Variants in CDS1 observed in about 807,000 individuals in gnomAD.
The protein encoded by CDS1 is phosphatidate cytidylyltransferase 1.
CDS1 carries 41 observed loss-of-function variants against 62.1 expected under a neutral mutation model. That is an observed-to-expected ratio of 0.66 (90% CI 0.51 to 0.86). The LOEUF is 0.86. CDS1 is among the 40% of genes least tolerant of loss of function. The pLI, the probability that CDS1 is intolerant of heterozygous loss-of-function variation, is 0.00. For synonymous variants in CDS1, 185 were observed against 192.6 expected (o/e 0.96, Z 0.32); for missense variants, 470 against 550.1 (o/e 0.85, Z 1.46).
chr4:84,636,423 C>A (rs376773195), intron 8 of CDS1, among the ~76,000 whole-genome samples: 8 of 152,162 alleles, frequency 5.3e-5, no homozygotes, highest in Admixed American at 2.0e-4. Flanking sequence ...AACTAAATTA[C>A]ATAGTTCTCA....
chr4:84,645,388 A>G (rs1458386870), intron 12 of CDS1, 63 bp downstream of exon 12: 1 of 976,202 alleles, frequency 1.0e-6, no homozygotes, highest in Non-Finnish European at 1.6e-6. Flanking sequence ...CATCAACATT[A>G]GTTTGAGTAA....
At chr4:84,589,863 T>G (rs1023574627) in intron 1 of CDS1, among the ~76,000 whole-genome samples, 1 of 152,080 alleles carries the variant, frequency 6.6e-6, no homozygotes. Context: ...CAGGCTGGAG[T>G]GCAGTGGCGC....
intron 7 of CDS1, among the ~76,000 whole-genome samples, chr4:84,634,555 A>C (rs1215413523): frequency 1.3e-5 from 2 of 152,096 alleles, no homozygotes; most frequent in African/African-American, 4.8e-5. Context: ...CTCATTTAAA[A>C]CTCATTAATT....
Position 84,619,504 on chromosome 4 carries a change from G to T in CDS1, c.551G>T (p.Arg184Ile). 6.2e-7 allele frequency: 1 copy of T among 1,600,236 alleles called. No individual in the cohort carries two copies. Among genetic ancestry groups the T allele is most frequent in the Admixed American group, 1.7e-5 (1 of 58,982 alleles). ...CTTCAGTTCCTCATTCGCTACCATA[G>T]ATTTATATCATTTGCCCTCTATCTG... ...EQLQFLIRYH[R>I]FISFALYLAG... The change falls in exon 5 of 13, where the codon AGA (arginine) becomes ATA (isoleucine). Residue 184 changes from arginine to isoleucine, a missense_variant. Physicochemically the swap from Arg to Ile is moderately conservative, Grantham distance 97 (BLOSUM62 -3). This residue lies in a region of CDS1 where 214 missense variants were observed against 242.4 expected (regional missense o/e 0.88). Coordinates refer to ENST00000295887, the MANE Select transcript of CDS1 (RefSeq NM_001263.4).
At chr4:84,626,460 TTTG>T (rs1723865038) in intron 5 of CDS1, among the ~76,000 whole-genome samples, 1 of 152,210 alleles carries the variant, frequency 6.6e-6, no homozygotes, top group African/African-American at 2.4e-5. Flanking sequence ...GTACTTTTTG[TTTG>T]TTATTTTGAG....
intron 12 of CDS1, among the ~76,000 whole-genome samples, chr4:84,648,321 T>C (rs1367262140): frequency 6.6e-6 from 1 of 152,198 alleles, no homozygotes; most frequent in East Asian, 1.9e-4. Flanking sequence ...TCTGCACCCC[T>C]TCAATTGACT....
intron 1 of CDS1, among the ~76,000 whole-genome samples, chr4:84,602,043 T>G (rs1168469438): frequency 1.3e-5 from 2 of 152,184 alleles, no homozygotes; most frequent in Non-Finnish European, 2.9e-5. Context: ...ACTTCCTTCT[T>G]TTCCCTGATC....
intron 12 of CDS1, among the ~76,000 whole-genome samples, chr4:84,647,465 A>G (rs1724590478): frequency 6.6e-6 from 1 of 152,204 alleles, no homozygotes; most frequent in Non-Finnish European, 1.5e-5. Context: ...GAAGACACTG[A>G]GAGTGCCAGG....
intron 5 of CDS1, among the ~76,000 whole-genome samples, chr4:84,628,268 A>G (rs1014154943): frequency 5.3e-5 from 8 of 152,176 alleles, no homozygotes; most frequent in Admixed American, 3.9e-4. Context: ...AATTTTGACT[A>G]ATCATCAATG....
In CDS1 at chr4:84,604,348, G is replaced by C. The variant is rs1413413394; in HGVS notation, c.223G>C (p.Ala75Pro). The C allele has an allele frequency of 2.5e-6, 4 of 1,613,308 alleles. No homozygotes were observed. In the East Asian group the frequency reaches 6.7e-5, roughly 27 times the overall value. The change falls in exon 2 of 13, where the codon GCT becomes CCT. Residue 75 changes from alanine (A) to proline (P), a missense_variant. Ala to Pro is a conservative substitution (Grantham distance 27). Coordinates refer to ENST00000295887, the MANE Select transcript of CDS1 (RefSeq NM_001263.4). ...SDRTPEILKK[A>P]LSGLSSRWKN... ...TAGAACCCCTGAGATTCTCAAAAAA[G>C]CTCTATCTGGTTTATCTTCAAGGTA... is the stretch of plus-strand genomic sequence containing the variant.
At chr4:84,610,608 A>G (rs534822409) in intron 3 of CDS1, among the ~76,000 whole-genome samples, 2 of 152,328 alleles carry the variant, frequency 1.3e-5, no homozygotes, top group East Asian at 1.9e-4. Flanking sequence ...GGAGCATACT[A>G]TCTGCACTTT....
intron 5 of CDS1, among the ~76,000 whole-genome samples, chr4:84,620,523 A>G (rs189194532): frequency 3.5e-4 from 53 of 150,904 alleles, no homozygotes; most frequent in Admixed American, 6.0e-4. Context: ...CGCCTGGCCT[A>G]ATTAGTTTTT....
chr4:84,594,736 G>T (rs931907072), intron 1 of CDS1, among the ~76,000 whole-genome samples: 8 of 152,070 alleles, frequency 5.3e-5, no homozygotes, highest in African/African-American at 1.9e-4. Flanking sequence ...TGCTAAATTT[G>T]CTTTATCTTG....
intron 3 of CDS1, among the ~76,000 whole-genome samples, chr4:84,613,699 G>T (rs901454030): frequency 2.6e-5 from 4 of 152,146 alleles, no homozygotes; most frequent in African/African-American, 9.7e-5. Context: ...CCTTCTATTT[G>T]TAGTTTTTAA....
intron 1 of CDS1, among the ~76,000 whole-genome samples, chr4:84,602,802 G>C (rs1045492105): frequency 6.6e-6 from 1 of 151,968 alleles, no homozygotes; most frequent in African/African-American, 2.4e-5. Context: ...TGTTCTATCT[G>C]GTTGTTTATT....
intron 6 of CDS1, among the ~76,000 whole-genome samples, 183 bp downstream of exon 6, chr4:84,632,060 T>A (rs1027812564): frequency 6.6e-5 from 10 of 152,246 alleles, no homozygotes; most frequent in Non-Finnish European, 2.9e-5. Context: ...GTGAGGATTT[T>A]AAAATTTTAA....
intron 10 of CDS1, among the ~76,000 whole-genome samples, chr4:84,641,255 C>T (rs1349913099): frequency 2.6e-5 from 4 of 151,986 alleles, no homozygotes; most frequent in Non-Finnish European, 2.9e-5. Context: ...TAAGTAGAGA[C>T]GGGTGTTGCT....
At chr4:84,619,615 AT>A (rs1454311897) in intron 5 of CDS1, 82 bp downstream of exon 5, 2 of 853,842 alleles carry the variant, frequency 2.3e-6, no homozygotes, top group Non-Finnish European at 1.7e-6. Context: ...TTAATTAGTA[AT>A]TTTTTGGTTA....
chr4:84,600,239 G>A (rs1389902362), intron 1 of CDS1, among the ~76,000 whole-genome samples: 1 of 152,126 alleles, frequency 6.6e-6, no homozygotes. Flanking sequence ...AATTTTGAGA[G>A]TTCTTTATGT....
Sources: gnomAD v4.1 joint callset for allele counts (sites outside exome capture counted in the v4.1 genomes callset) on GRCh38, gnomAD v4.1.1 for gene constraint, gnomAD v4.1.1 regional missense constraint, MANE v1.5 for transcripts, NCBI Gene and HGNC (gene_info 2026-07-23, HGNC 2026-07-21) for gene names.